The following COL27A1 variants were observed in gnomAD, a reference collection of about 807,000 sequenced individuals.
The protein encoded by COL27A1 is collagen alpha-1(XXVII) chain.
COL27A1 carries 106 observed loss-of-function variants against 251.3 expected under a neutral mutation model. The observed-to-expected ratio is 0.42, with a 90% CI of 0.36 to 0.50. The LOEUF (loss-of-function observed/expected upper bound fraction) is 0.50. COL27A1 is among the 20% of genes least tolerant of loss of function. COL27A1 has a pLI of 0.00. For missense variants in COL27A1, 2,325 were observed against 2,522.8 expected (o/e 0.92, Z 1.68); for synonymous variants, 1,000 against 986.3 (o/e 1.01, Z -0.26).
intron 27 of COL27A1, among the ~76,000 whole-genome samples, chr9:114,255,835 AC>A (rs1186070435): frequency 1.3e-5 from 2 of 152,174 alleles, no homozygotes; most frequent in Non-Finnish European, 2.9e-5. Flanking sequence ...AGAATCAGAT[AC>A]ATGGGGGTGA....
chr9:114,204,026 A>G (rs1829756716), intron 7 of COL27A1, among the ~76,000 whole-genome samples: 1 of 152,094 alleles, frequency 6.6e-6, no homozygotes, highest in Non-Finnish European at 1.5e-5. Flanking sequence ...GGTAAACGGC[A>G]GCACATAGAG....
intron 10 of COL27A1, among the ~76,000 whole-genome samples, chr9:114,208,457 T>C (rs1830125962): frequency 1.3e-5 from 2 of 151,976 alleles, no homozygotes; most frequent in Admixed American, 6.6e-5. Context: ...TCAAAAAATA[T>C]ATATAAATAA....
chr9:114,192,293 G>T (rs1489132149), intron 5 of COL27A1, among the ~76,000 whole-genome samples: 1 of 152,172 alleles, frequency 6.6e-6, no homozygotes, highest in Admixed American at 6.5e-5. Flanking sequence ...GCACAGGCTG[G>T]CTGAGAAAGA....
intron 4 of COL27A1, 33 bp from the exon 5 acceptor site, chr9:114,182,988 AC>A (rs1290075344): frequency 6.2e-7 from 1 of 1,602,414 alleles, no homozygotes; most frequent in Non-Finnish European, 8.5e-7. Context: ...GTTTTTTGTC[AC>A]CTTTTTTTGT....
intron 38 of COL27A1, 53 bp downstream of exon 38, chr9:114,282,383 C>T: frequency 6.2e-7 from 1 of 1,607,040 alleles, no homozygotes; most frequent in Non-Finnish European, 8.5e-7. Context: ...CGCATCCCTT[C>T]CCCACATCCC....
intron 4 of COL27A1, among the ~76,000 whole-genome samples, chr9:114,182,283 G>A (rs1827987797): frequency 6.6e-6 from 1 of 151,754 alleles, no homozygotes. Flanking sequence ...GGCTAAGGTG[G>A]GAGGATCTCT....
chr9:114,215,983 G>A (rs1005389167), intron 12 of COL27A1, among the ~76,000 whole-genome samples: 2 of 152,170 alleles, frequency 1.3e-5, no homozygotes, highest in Admixed American at 1.3e-4. Context: ...TATCCTACCC[G>A]CTGGAGCACA....
Position 114,162,733 on chromosome 9 carries a change from G to C in COL27A1, c.81G>C (p.Trp27Cys), listed in dbSNP as rs1339399850. The C allele has an allele frequency of 1.9e-6, 3 of 1,612,426 alleles. No homozygotes were observed. The highest frequency in any genetic ancestry group is 1.3e-5 in the African/African-American group (1 of 74,458). Residue 27 changes from tryptophan (W) to cysteine (C), a missense_variant, in exon 2 of 61, where the codon TGG (tryptophan) becomes TGC (cysteine). Transcript: ENST00000356083. ...AARGGGFLFSWILVSFACHLA... is the reference protein window; with the variant it reads ...AARGGGFLFSCILVSFACHLA... ...TCTCTAGGGGGTTTCTCTTCTCCTG[G>C]ATCTTAGTCTCGTTTGCCTGTCACC... is the stretch of plus-strand genomic sequence containing the variant.
In COL27A1 at chr9:114,228,758, G is replaced by T. The variant is rs193227027; in HGVS notation, c.2467-2321G>T. Among the ~76,000 whole-genome samples the T allele has an allele frequency of 1.8e-4, 28 of 152,294 alleles. No homozygotes were observed. The East Asian group carries it at 5.4e-3, about 29-fold the overall frequency. On this transcript the variant is annotated intron_variant, in intron 14 of 60. Transcript: ENST00000356083. ...TGGCATTTGCTTATTATTATCACCC[G>T]TTAAACTGAGCCCTCACTTTCTCAG...
Position 114,266,579 on chromosome 9 carries a change from C to T in COL27A1, c.3408C>T (p.Pro1136=). 1 of 1,613,776 alleles carries T rather than the reference C, an allele frequency of 6.2e-7. No individual in the cohort carries two copies. The stretch of plus-strand genomic sequence containing the variant: ...CTGTCTTCCAGGGCCCTCAGGGACC[C>T]CAGGGGCCAATTGGGCCTCCAGGAG... ...GLPGEPGPQG[P]QGPIGPPGEM... The change falls in exon 33 of 61, where the codon CCC becomes CCT. Residue 1136 remains proline (P), a synonymous_variant. Coordinates refer to ENST00000356083, the MANE Select transcript of COL27A1 (RefSeq NM_032888.4).
rs374043349 is a variant in COL27A1, at chr9:114,169,108, G to C, written c.1553G>C (p.Arg518Thr). The C allele has an allele frequency of 1.9e-6, 3 of 1,614,056 alleles. No homozygotes were observed. The highest frequency in any genetic ancestry group is 2.5e-6 in the Non-Finnish European group (3 of 1,180,006). Residue 518 changes from arginine to threonine, a missense_variant, in exon 3 of 61, where the codon AGA becomes ACA. Physicochemically the swap from Arg to Thr is moderately conservative, Grantham distance 71. Transcript: ENST00000356083. ...CCAACTTCGGGCACCAGCACTCCCA[G>C]AACAGCACCTGCCGTCCCCACTCCT... Reference protein sequence around the residue: ...VPPTSGTSTPRTAPAVPTPGS... With the variant: ...VPPTSGTSTPTTAPAVPTPGS...
chr9:114,302,581 T>C (rs1249752), intron 56 of COL27A1, among the ~76,000 whole-genome samples: 59,362 of 151,664 alleles, frequency 0.39, 11,922 homozygotes, highest in Admixed American at 0.44. Context: ...ACTTAAGTAG[T>C]TGGGTGTGGT....
At chr9:114,272,600 C>T (rs1024841091) in intron 36 of COL27A1, 3 of 152,354 alleles carry the variant, frequency 2.0e-5, no homozygotes, top group Non-Finnish European at 2.9e-5. Flanking sequence ...GTTATCTCTT[C>T]GCTGATGTCC....
chr9:114,168,292 T>C lies in COL27A1; in HGVS notation c.737T>C (p.Leu246Pro), dbSNP rs980081961. 6.2e-7 allele frequency: 1 copy of C among 1,613,626 alleles called. No individual in the cohort carries two copies. Among genetic ancestry groups the C allele is most frequent in the Non-Finnish European group, 8.5e-7 (1 of 1,180,016 alleles). Residue 246 changes from leucine to proline, a missense_variant, in exon 3 of 61, where the codon CTG becomes CCG. This residue lies in a region of COL27A1 where 1,183 missense variants were observed against 1,144.1 expected (regional missense o/e 1.03). Coordinates refer to ENST00000356083, the MANE Select transcript of COL27A1 (RefSeq NM_032888.4). ...CGQADTYQSP[L>P]GPLFSQDSGR... ...CAGGCTGACACGTACCAGTCCCCAC[T>C]GGGACCTCTCTTCTCCCAAGACTCT...
rs146312552 is a variant in COL27A1, at chr9:114,214,600, G to A, written c.2367+3574G>A. ...AGATAAGCAGACATAGCCCAGGGAGGGCAAGACACTTGCCTAAGATCTCAC... is the reference window on the plus strand; with the variant it reads ...AGATAAGCAGACATAGCCCAGGGAGAGCAAGACACTTGCCTAAGATCTCAC... On this transcript the variant is annotated intron_variant, in intron 12 of 60. Coordinates refer to ENST00000356083, the MANE Select transcript of COL27A1 (RefSeq NM_032888.4). Among the ~76,000 whole-genome samples, 21 of 152,310 alleles carry A rather than the reference G, an allele frequency of 1.4e-4. No individual in the cohort carries two copies. The East Asian group carries it at 4.1e-3, about 29-fold the overall frequency.
chr9:114,271,089 C>T (rs1835106064), intron 36 of COL27A1: 1 of 399,760 alleles, frequency 2.5e-6, no homozygotes, highest in Non-Finnish European at 4.4e-6. Context: ...TACGCCAGGC[C>T]CAGAGCCAGA....
chr9:114,207,531 C>G (rs988408580), intron 10 of COL27A1, among the ~76,000 whole-genome samples: 1 of 152,186 alleles, frequency 6.6e-6, no homozygotes, highest in Non-Finnish European at 1.5e-5. Context: ...TGGGGTTGCT[C>G]GACTTGCCTG....
chr9:114,247,508 T>C (rs1833226987), intron 24 of COL27A1, among the ~76,000 whole-genome samples: 1 of 152,226 alleles, frequency 6.6e-6, no homozygotes, highest in African/African-American at 2.4e-5. Context: ...CTAGTCCATG[T>C]TGGCAATCTG....
rs144824217 is a variant in COL27A1, at chr9:114,289,307, G to A, written c.4206+12G>A. ...CGAAAGGCGCAGAGGTAAGAGGGCC[G>A]GGGGTTCAGCAGGGAGACTGAGTCC... On this transcript the variant is annotated intron_variant, in intron 45 of 60. Coordinates refer to ENST00000356083, the MANE Select transcript of COL27A1 (RefSeq NM_032888.4). The A allele has an allele frequency of 1.4e-3, 2,261 of 1,569,548 alleles. 25 individuals carry two copies. The African/African-American group carries it at 0.026, about 18-fold the overall frequency.
Sources: gnomAD v4.1 joint callset for allele counts (sites outside exome capture counted in the v4.1 genomes callset) on GRCh38, gnomAD v4.1.1 for gene constraint, gnomAD v4.1.1 regional missense constraint, MANE v1.5 for transcripts, NCBI Gene and HGNC (gene_info 2026-07-23, HGNC 2026-07-21) for gene names.